PTPRG: variants seen among roughly 807,000 people sequenced by gnomAD.
The protein encoded by PTPRG is protein tyrosine phosphatase receptor type G, also known as receptor-type tyrosine-protein phosphatase gamma.
PTPRG carries 102 observed loss-of-function variants against 165.3 expected under a neutral mutation model. That is an observed-to-expected ratio of 0.62 (90% CI 0.53 to 0.73). The LOEUF is 0.73. PTPRG is among the 30% of genes least tolerant of loss of function. PTPRG has a pLI of 0.00. For missense variants in PTPRG, 1,866 were observed against 1,861.4 expected (o/e 1.00, Z -0.05); for synonymous variants, 675 against 669.5 (o/e 1.01, Z -0.13).
chr3:61,881,256 A>G (rs2037881731), intron 2 of PTPRG, among the ~76,000 whole-genome samples: 1 of 152,200 alleles, frequency 6.6e-6, no homozygotes, highest in African/African-American at 2.4e-5. Flanking sequence ...CTGTGAGAAG[A>G]TGAATTGTAT....
chr3:61,926,888 A>G (rs934620228), intron 2 of PTPRG, among the ~76,000 whole-genome samples: 1 of 151,152 alleles, frequency 6.6e-6, no homozygotes, highest in Non-Finnish European at 1.5e-5. Context: ...GGTTGAAATT[A>G]AAACAAAAAC....
chr3:61,788,646 T>G (rs2034781594), intron 2 of PTPRG, among the ~76,000 whole-genome samples: 1 of 152,204 alleles, frequency 6.6e-6, no homozygotes, highest in South Asian at 2.1e-4. Context: ...ATCACTGGAG[T>G]TCTAGCTACA....
chr3:61,759,275 A>G (rs1328741512), intron 2 of PTPRG, among the ~76,000 whole-genome samples: 1 of 152,232 alleles, frequency 6.6e-6, no homozygotes, highest in African/African-American at 2.4e-5. Flanking sequence ...AGTGGTGTGT[A>G]TATAACATAG....
chr3:61,699,606 C>G (rs545402097), intron 1 of PTPRG, among the ~76,000 whole-genome samples: 26 of 152,272 alleles, frequency 1.7e-4, no homozygotes, highest in Middle Eastern at 3.4e-3. Flanking sequence ...GTTCCTTCCC[C>G]CTGCTGTAGA....
At chr3:61,902,719 C>A (rs1457044830) in intron 2 of PTPRG, among the ~76,000 whole-genome samples, 1 of 152,212 alleles carries the variant, frequency 6.6e-6, no homozygotes, top group Non-Finnish European at 1.5e-5. Flanking sequence ...ACTGTCTTCT[C>A]TCAGCCCTCT....
chr3:62,293,270 A>T lies in PTPRG; in HGVS notation c.4301A>T (p.Glu1434Val). The T allele has an allele frequency of 6.2e-7, 1 of 1,607,818 alleles. No homozygotes were observed. The highest frequency in any genetic ancestry group is 8.5e-7 in the Non-Finnish European group (1 of 1,178,060). ...AATGGTGCTGTTCTTATTGCAGATGAATCAGACCCTGCTGAGAGCATGGAG... is the reference window on the plus strand; with the variant it reads ...AATGGTGCTGTTCTTATTGCAGATGTATCAGACCCTGCTGAGAGCATGGAG... Reference protein sequence around the residue: ...DKNGAVLIADESDPAESMESL... With the variant: ...DKNGAVLIADVSDPAESMESL... Residue 1434 changes from glutamate to valine, a missense_variant, in exon 30 of 30, where the codon GAA becomes GTA. Glu to Val is a moderately radical substitution (Grantham distance 121). Transcript: ENST00000474889.
chr3:62,114,879 A>T (rs72624885), intron 5 of PTPRG, among the ~76,000 whole-genome samples: 95 of 151,926 alleles, frequency 6.3e-4, no homozygotes, highest in Admixed American at 9.8e-4. Flanking sequence ...GCCTCAAGCA[A>T]TCCTCCCATC....
intron 1 of PTPRG, among the ~76,000 whole-genome samples, chr3:61,581,767 G>A (rs1452565582): frequency 1.3e-5 from 2 of 151,738 alleles, no homozygotes; most frequent in South Asian, 4.2e-4. Context: ...GCGCCACCAC[G>A]CCCAGCTAAT....
intron 1 of PTPRG, among the ~76,000 whole-genome samples, chr3:61,635,003 A>G (rs1701868575): frequency 6.6e-6 from 1 of 152,178 alleles, no homozygotes; most frequent in Non-Finnish European, 1.5e-5. Flanking sequence ...AGTGTAAGTG[A>G]TCTCAAAGTG....
chr3:62,041,161 C>G (rs1044419849), intron 4 of PTPRG, among the ~76,000 whole-genome samples: 1 of 152,120 alleles, frequency 6.6e-6, no homozygotes, highest in Non-Finnish European at 1.5e-5. Context: ...TCGGCACTTA[C>G]AATATATTCA....
At chr3:62,014,645 A>T (rs761721690) in intron 4 of PTPRG, among the ~76,000 whole-genome samples, 10 of 152,178 alleles carry the variant, frequency 6.6e-5, no homozygotes, top group Non-Finnish European at 1.0e-4. Context: ...GAAGACTTGG[A>T]GTGAGAGAAA....
chr3:62,059,775 C>T (rs1700746786), intron 4 of PTPRG, among the ~76,000 whole-genome samples: 1 of 152,090 alleles, frequency 6.6e-6, no homozygotes, highest in Non-Finnish European at 1.5e-5. Flanking sequence ...ATTATGGGGG[C>T]CGTTACTCCC....
At chr3:62,083,593 TA>T (rs1559787260) in intron 5 of PTPRG, among the ~76,000 whole-genome samples, 1 of 152,234 alleles carries the variant, frequency 6.6e-6, no homozygotes, top group Non-Finnish European at 1.5e-5. Context: ...ACTTTGCTTT[TA>T]AAAACTGTAA....
At chr3:62,034,218 G>T (rs893227095) in intron 4 of PTPRG, among the ~76,000 whole-genome samples, 1 of 152,132 alleles carries the variant, frequency 6.6e-6, no homozygotes, top group Non-Finnish European at 1.5e-5. Flanking sequence ...CATATACATG[G>T]GTTTTGCATC....
At chr3:61,917,802 G>A (rs899132515) in intron 2 of PTPRG, among the ~76,000 whole-genome samples, 13 of 152,194 alleles carry the variant, frequency 8.5e-5, no homozygotes, top group African/African-American at 3.1e-4. Flanking sequence ...GTGTGGTGGC[G>A]GACGCTTGTA....
At position 62,254,404 on chromosome 3, in the gene PTPRG, A is replaced by C. The variant is rs1481164047; in HGVS notation, c.2468-720A>C. Reference sequence around the variant, plus strand: ...ATCATGATAAATAAGCTTAAAACATACTTTGGGCTTATGAACTGAAAGTCT... The same window carrying C: ...ATCATGATAAATAAGCTTAAAACATCCTTTGGGCTTATGAACTGAAAGTCT... On this transcript the variant is annotated intron_variant, in intron 15 of 29. Coordinates refer to ENST00000474889, the MANE Select transcript of PTPRG (RefSeq NM_002841.4). The surrounding 1 kb of genome is among the most constrained non-coding windows in gnomAD (Gnocchi z 4.6). Among the ~76,000 whole-genome samples the C allele has an allele frequency of 1.3e-5, 2 of 152,152 alleles. No individual in the cohort carries two copies. Among genetic ancestry groups the C allele is most frequent in the Non-Finnish European group, 2.9e-5 (2 of 68,018 alleles).
intron 6 of PTPRG, among the ~76,000 whole-genome samples, chr3:62,152,750 G>A (rs1282966611): frequency 2.0e-5 from 3 of 152,148 alleles, no homozygotes; most frequent in Non-Finnish European, 4.4e-5. Flanking sequence ...ACTAATGGGG[G>A]CACCTGAACA....
intron 4 of PTPRG, among the ~76,000 whole-genome samples, chr3:62,021,418 A>G (rs1399808659): frequency 6.6e-6 from 1 of 152,234 alleles, no homozygotes; most frequent in Admixed American, 6.5e-5. Context: ...ATATAAGCCA[A>G]CATTAGTCAG....
At chr3:61,681,536 A>G (rs1339375250) in intron 1 of PTPRG, among the ~76,000 whole-genome samples, 1 of 152,226 alleles carries the variant, frequency 6.6e-6, no homozygotes, top group East Asian at 1.9e-4. Context: ...ATTGTCATAC[A>G]GAGAGGACTC....
Sources: gnomAD v4.1 joint callset for allele counts (sites outside exome capture counted in the v4.1 genomes callset) on GRCh38, gnomAD v4.1.1 for gene constraint, Gnocchi (gnomAD v3.1) non-coding constraint, MANE v1.5 for transcripts, NCBI Gene and HGNC (gene_info 2026-07-23, HGNC 2026-07-21) for gene names.